Variants in PGAP2 observed in about 807,000 individuals in gnomAD.
The protein encoded by PGAP2 is post-GPI attachment to proteins 2.
PGAP2 carries 21 observed loss-of-function variants against 33.2 expected under a neutral mutation model. The ratio of observed to expected loss-of-function variants is 0.63; its 90% confidence interval spans 0.45 to 0.91. The LOEUF (loss-of-function observed/expected upper bound fraction) is 0.91, where lower values mean the gene tolerates loss of function less well. PGAP2 is among the 40% of genes least tolerant of loss of function. The probability of loss-of-function intolerance (pLI) is 0.00; values close to 1 mark genes in which losing one functional copy is unlikely to be tolerated. For missense variants in PGAP2, 345 were observed against 424.0 expected, an observed-to-expected ratio of 0.81 and a Z score of 1.64; for synonymous variants, 161 against 172.9, an observed-to-expected ratio of 0.93 and a Z score of 0.54.
chr11:3,804,084 C>T (rs965692762), upstream of PGAP2, among the ~76,000 whole-genome samples: 3 of 152,190 alleles, frequency 2.0e-5, no homozygotes, highest in Non-Finnish European at 4.4e-5. Context: ...AGCCACCATG[C>T]CCAGCCCATT....
intron 3 of PGAP2, 135 bp downstream of exon 3, chr11:3,817,670 G>A: frequency 2.7e-6 from 2 of 745,224 alleles, no homozygotes; most frequent in Non-Finnish European, 4.8e-6. Context: ...GGGTAGGTAA[G>A]TCAGAGTCAG....
upstream of PGAP2, among the ~76,000 whole-genome samples, chr11:3,806,074 A>C (rs1174265145): frequency 1.3e-5 from 2 of 152,160 alleles, no homozygotes; most frequent in Non-Finnish European, 2.9e-5. Context: ...CATATTTCCC[A>C]AATCACCAGA....
At chr11:3,808,227 C>A, upstream of PGAP2, 1 of 1,529,612 alleles carries the variant, frequency 6.5e-7, no homozygotes, top group Non-Finnish European at 8.9e-7. Flanking sequence ...AGGTGCGAGG[C>A]AGGAGAGACG....
intron 4 of PGAP2, 46 bp downstream of exon 4, chr11:3,824,181 G>T: frequency 6.2e-7 from 1 of 1,613,016 alleles, no homozygotes; most frequent in Non-Finnish European, 8.5e-7. Context: ...TCCCTGAGGG[G>T]ACGGGCCTGC....
At chr11:3,807,173 T>C (rs2084528022), upstream of PGAP2, among the ~76,000 whole-genome samples, 1 of 150,454 alleles carries the variant, frequency 6.6e-6, no homozygotes, top group Admixed American at 6.6e-5. Flanking sequence ...TCGCCTCTAC[T>C]AAAAACTACA....
upstream of PGAP2, chr11:3,797,748 G>C: frequency 7.0e-7 from 1 of 1,425,490 alleles, no homozygotes; most frequent in Non-Finnish European, 9.5e-7. Flanking sequence ...CACAGGGTAG[G>C]AGCGGTGAGA....
chr11:3,823,383 C>T (rs1053333411), intron 3 of PGAP2, among the ~76,000 whole-genome samples: 2 of 152,138 alleles, frequency 1.3e-5, no homozygotes, highest in Non-Finnish European at 1.5e-5. Flanking sequence ...ATTCTACCAC[C>T]TTGGCACACC....
chr11:3,824,906 C>T lies in PGAP2; in HGVS notation c.709-114C>T, dbSNP rs189709621. The T allele has an allele frequency of 6.2e-4, 939 of 1,525,734 alleles. 8 individuals are homozygous for T. Among genetic ancestry groups the T allele is most frequent in the Non-Finnish European group, 6.0e-5 (68 of 1,141,370 alleles). The allele number at this position is 1,525,734 out of a possible 1,614,324, so 94.5% of individuals were successfully genotyped here. On this transcript the variant is annotated intron_variant, in intron 5 of 6. Transcript: ENST00000278243. ...CCCTGCCTGTGCTCCCTTCCATGAC[C>T]GCTAGTGGGAGCCAAGGGAGATAAG...
chr11:3,807,968 G>T, upstream of PGAP2: 1 of 1,065,400 alleles, frequency 9.4e-7, no homozygotes, highest in African/African-American at 1.6e-5. Flanking sequence ...ACCCAAGGCT[G>T]GTGGCTGGAA....
chr11:3,799,328 A>G (rs982623594), intron 1 of PGAP2, among the ~76,000 whole-genome samples: 12 of 151,830 alleles, frequency 7.9e-5, no homozygotes, highest in African/African-American at 2.7e-4. Flanking sequence ...ATTTGAGGCC[A>G]GGAGTTCGAG....
intron 2 of PGAP2, chr11:3,816,193 T>A (rs1934544545): frequency 6.5e-6 from 1 of 152,744 alleles, no homozygotes; most frequent in Non-Finnish European, 1.5e-5. Context: ...TCCTCCAGTC[T>A]TAGAATAGTC....
At chr11:3,798,090 C>T (rs2082826625) in intron 1 of PGAP2, 1 of 1,494,584 alleles carries the variant, frequency 6.7e-7, no homozygotes, top group Non-Finnish European at 8.8e-7. Flanking sequence ...GCCTGAGGGC[C>T]CTCTTGGAAG....
At chr11:3,808,556 C>T, upstream of PGAP2, 7 of 1,391,126 alleles carry the variant, frequency 5.0e-6, no homozygotes, top group Non-Finnish European at 5.6e-6. Flanking sequence ...GCCCCGCCCC[C>T]GCCGTTCGCG....
At chr11:3,812,162 A>G (rs1373481040) in intron 2 of PGAP2, among the ~76,000 whole-genome samples, 1 of 152,114 alleles carries the variant, frequency 6.6e-6, no homozygotes, top group Non-Finnish European at 1.5e-5. Context: ...CTAGGATATC[A>G]AAGTAAGTGG....
At chr11:3,825,221 G>A (rs1455360373) in intron 6 of PGAP2, 93 bp downstream of exon 6, 7 of 1,553,458 alleles carry the variant, frequency 4.5e-6, no homozygotes, top group Non-Finnish European at 6.2e-6. Context: ...GGGACTGGCT[G>A]CCATTGTGTT....
At chr11:3,805,965 G>A (rs982375333), upstream of PGAP2, among the ~76,000 whole-genome samples, 1 of 79,796 alleles carries the variant, frequency 1.3e-5, no homozygotes, top group Admixed American at 1.6e-4. Flanking sequence ...GATTACAGAT[G>A]TGAGCCACCA....
At chr11:3,818,331 A>C (rs2087646161) in intron 3 of PGAP2, among the ~76,000 whole-genome samples, 1 of 151,484 alleles carries the variant, frequency 6.6e-6, no homozygotes, top group South Asian at 2.1e-4. Context: ...CGTGCCAAAA[A>C]AAAAAAAAAA....
chr11:3,825,632 A>C lies in PGAP2; in HGVS notation c.*174A>C. 2 of 570,486 alleles carry C rather than the reference A, an allele frequency of 3.5e-6. No individual in the cohort carries two copies. Among genetic ancestry groups the C allele is most frequent in the South Asian group, 2.2e-5 (1 of 45,588 alleles). 35.3% of individuals were successfully genotyped at this position (570,486 alleles called of 1,614,324 possible). ...CCAGTGCTGCTGGCTTCTCCTCTCC[A>C]CCCCTCATATGGGCGTGGGGTCCTC... On this transcript the variant is annotated 3_prime_UTR_variant, in exon 7 of 7. Coordinates refer to ENST00000278243, the MANE Select transcript of PGAP2 (RefSeq NM_014489.4).
At chr11:3,807,069 C>T (rs1022822813), upstream of PGAP2, among the ~76,000 whole-genome samples, 37 of 150,834 alleles carry the variant, frequency 2.5e-4, no homozygotes, top group Admixed American at 1.1e-3. Flanking sequence ...GGCGCGGTGG[C>T]TTACACCTGT....
Sources: gnomAD v4.1 joint callset for allele counts (sites outside exome capture counted in the v4.1 genomes callset) on GRCh38, gnomAD v4.1.1 for gene constraint, MANE v1.5 for transcripts, NCBI Gene and HGNC (gene_info 2026-07-23, HGNC 2026-07-21) for gene names.